CALN1: variants seen among roughly 807,000 people sequenced by gnomAD.
CALN1 encodes calcium-binding protein 8.
CALN1 carries 17 observed loss-of-function variants against 30.6 expected under a neutral mutation model. The ratio of observed to expected loss-of-function variants is 0.56; its 90% CI spans 0.38 to 0.83. The LOEUF (loss-of-function observed/expected upper bound fraction) is 0.83, where lower values mean the gene tolerates loss of function less well. Ranked by LOEUF, CALN1 falls within the 40% of genes least tolerant of loss-of-function variation. CALN1 has a pLI of 0.00. For missense variants in CALN1, 291 were observed against 354.9 expected (o/e 0.82, Z 1.45); for synonymous variants, 156 against 131.4 (o/e 1.19, Z -1.28).
chr7:72,495,249 C>A, the CALN1 span, among the ~76,000 whole-genome samples: 1 of 152,114 alleles, frequency 6.6e-6, no homozygotes, highest in Admixed American at 6.5e-5. Context: ...GCCAGGTGTT[C>A]ATCCAATCTC....
rs1050754997 is a variant in CALN1, at chr7:71,852,355, G to A, written c.502-41863C>T. The stretch of plus-strand genomic sequence containing the variant: ...GTATTTAGCTTTATAAGAAACTGCC[G>A]ACTGGGCACAGTGACTCACACCTAT... On this transcript the variant is annotated intron_variant, in intron 5 of 6. Transcript: ENST00000395275. Among the ~76,000 whole-genome samples the A allele has an allele frequency of 2.6e-5, 4 of 151,586 alleles. No individual in the cohort carries two copies. The South Asian group carries it at 6.2e-4, about 24-fold the overall frequency.
intron 5 of CALN1, among the ~76,000 whole-genome samples, chr7:71,929,180 T>C (rs1795423990): frequency 6.6e-6 from 1 of 152,206 alleles, no homozygotes; most frequent in Non-Finnish European, 1.5e-5. Flanking sequence ...GTTTGTTACA[T>C]AGTTAAACAC....
the CALN1 span, among the ~76,000 whole-genome samples, chr7:72,475,856 G>A: frequency 1.3e-4 from 20 of 151,350 alleles, no homozygotes; most frequent in African/African-American, 4.4e-4. Context: ...TGCTGTTCTC[G>A]TGCTAATGAA....
chr7:71,883,290 T>C (rs1562869703), intron 5 of CALN1, among the ~76,000 whole-genome samples: 1 of 152,148 alleles, frequency 6.6e-6, no homozygotes, highest in Non-Finnish European at 1.5e-5. Flanking sequence ...TGAACAATTA[T>C]TCATTATTCT....
intron 2 of CALN1, among the ~76,000 whole-genome samples, chr7:72,402,040 T>A (rs1806376380): frequency 6.6e-6 from 1 of 152,226 alleles, no homozygotes; most frequent in Admixed American, 6.5e-5. Flanking sequence ...CATCCCAAGA[T>A]GATCTCTGAC....
intron 3 of CALN1, among the ~76,000 whole-genome samples, chr7:72,267,905 G>A (rs1447740014): frequency 6.6e-6 from 1 of 152,158 alleles, no homozygotes; most frequent in Non-Finnish European, 1.5e-5. Context: ...TACTCGGGAG[G>A]CTGAGATGGC....
chr7:72,171,254 C>A (rs760268840), intron 3 of CALN1, among the ~76,000 whole-genome samples: 1 of 152,088 alleles, frequency 6.6e-6, no homozygotes, highest in Non-Finnish European at 1.5e-5. Context: ...CCAATCAAAT[C>A]CAACTTGAAA....
intron 2 of CALN1, among the ~76,000 whole-genome samples, chr7:72,336,116 G>A (rs879344067): frequency 6.6e-6 from 1 of 152,202 alleles, no homozygotes; most frequent in Non-Finnish European, 1.5e-5. Context: ...TGGCGCCCCC[G>A]GACTCGGGGT....
At chr7:72,080,097 G>C (rs557418680) in intron 4 of CALN1, among the ~76,000 whole-genome samples, 86 of 152,190 alleles carry the variant, frequency 5.7e-4, no homozygotes, top group African/African-American at 2.0e-3. Context: ...GACATCAGTG[G>C]GTGAAAAACC....
At chr7:72,405,629 C>T (rs574567126) in intron 1 of CALN1, among the ~76,000 whole-genome samples, 6 of 152,220 alleles carry the variant, frequency 3.9e-5, no homozygotes, top group East Asian at 3.9e-4. Flanking sequence ...TCCCCACACA[C>T]GCGGCACATG....
At chr7:72,025,242 G>A (rs746329272) in intron 4 of CALN1, among the ~76,000 whole-genome samples, 15 of 152,036 alleles carry the variant, frequency 9.9e-5, no homozygotes, top group South Asian at 6.2e-4. Flanking sequence ...TCTGGGAGGC[G>A]GAGGTTGCAG....
At chr7:72,387,290 G>GAGGAAGGGAGGAAGGGAGGA (rs1414407806) in intron 2 of CALN1, among the ~76,000 whole-genome samples, 1 of 9,330 alleles carries the variant, frequency 1.1e-4, no homozygotes, top group African/African-American at 3.5e-4. Context: ...GGGAGGGAGG[G>GAGGAAGGGAGGAAGGGAGGA]AGGGAGGGAG....
intron 6 of CALN1, among the ~76,000 whole-genome samples, chr7:71,798,294 A>G (rs1403221603): frequency 1.4e-5 from 2 of 146,820 alleles, no homozygotes; most frequent in Middle Eastern, 3.2e-3. Flanking sequence ...TTTTATTTGC[A>G]ACCCAAACTA....
chr7:72,029,438 C>T (rs1801298349), intron 4 of CALN1, among the ~76,000 whole-genome samples: 1 of 152,040 alleles, frequency 6.6e-6, no homozygotes, highest in Non-Finnish European at 1.5e-5. Context: ...GACCCCATTT[C>T]CTGGCCAGAA....
At chr7:72,324,255 A>G (rs1240174303) in intron 2 of CALN1, among the ~76,000 whole-genome samples, 1 of 152,120 alleles carries the variant, frequency 6.6e-6, no homozygotes, top group Non-Finnish European at 1.5e-5. Flanking sequence ...CCACTGAATT[A>G]AAATCTCTGC....
At chr7:72,265,480 TC>T (rs528368693) in intron 3 of CALN1, among the ~76,000 whole-genome samples, 217 of 152,218 alleles carry the variant, frequency 1.4e-3, no homozygotes, top group African/African-American at 5.1e-3. Flanking sequence ...TTTGGCAAAC[TC>T]CCTTCAGCAT....
chr7:72,392,925 G>T (rs1405963103), intron 2 of CALN1, among the ~76,000 whole-genome samples: 1 of 152,056 alleles, frequency 6.6e-6, no homozygotes, highest in Non-Finnish European at 1.5e-5. Flanking sequence ...TTTGATCCCA[G>T]AAGTTCAAGG....
chr7:72,082,294 C>T (rs916246401), intron 4 of CALN1, among the ~76,000 whole-genome samples: 1 of 152,128 alleles, frequency 6.6e-6, no homozygotes, highest in African/African-American at 2.4e-5. Context: ...CCGGAACAAA[C>T]TTTTAACAGC....
At chr7:71,861,438 C>G (rs1296407657) in intron 5 of CALN1, among the ~76,000 whole-genome samples, 5 of 151,774 alleles carry the variant, frequency 3.3e-5, no homozygotes, top group Non-Finnish European at 2.9e-5. Flanking sequence ...AGATTTGGAC[C>G]CCACCCTCAG....
Sources: gnomAD v4.1 joint callset for allele counts (sites outside exome capture counted in the v4.1 genomes callset) on GRCh38, gnomAD v4.1.1 for gene constraint, MANE v1.5 for transcripts, NCBI Gene and HGNC (gene_info 2026-07-23, HGNC 2026-07-21) for gene names.